Variants in RIOK3 observed in about 807,000 individuals in gnomAD.
RIOK3 encodes RIO kinase 3.
In RIOK3, 40 loss-of-function variants were observed where a neutral mutation model predicts 63.5. That is an observed-to-expected ratio of 0.63 (90% CI 0.49 to 0.82). RIOK3 has a LOEUF of 0.82. RIOK3 is among the 40% of genes least tolerant of loss of function. The probability of loss-of-function intolerance (pLI) is 0.00; values close to 1 mark genes in which losing one functional copy is unlikely to be tolerated. For synonymous variants in RIOK3, 193 were observed against 205.0 expected, an observed-to-expected ratio of 0.94 and a Z score of 0.50; for missense variants, 557 against 637.0, an observed-to-expected ratio of 0.87 and a Z score of 1.35.
rs1037782791 is a variant in RIOK3, at chr18:23,453,718, GAGTGGT to G, written c.63+217_63+222del. The stretch of plus-strand genomic sequence containing the variant: ...GGCTGGATCTCCCAAAGGCCACCTT[GAGTGGT>G]TAGGGCTCTCTATTTCTTCAGCGTA... On this transcript the variant is annotated intron_variant, in intron 1 of 12. Transcript: ENST00000339486. 1.1e-4 allele frequency among the ~76,000 whole-genome samples: 17 copies of G among 152,368 alleles called. No individual in the cohort carries two copies. The East Asian group carries it at 3.1e-3, about 28-fold the overall frequency.
rs1417176525 is a variant in RIOK3 at position 23,481,929 on chromosome 18, A to G, written c.*650A>G. 1 of 152,236 alleles carries G rather than the reference A, an allele frequency of 6.6e-6. No homozygotes were observed. Among genetic ancestry groups the G allele is most frequent in the Non-Finnish European group, 1.5e-5 (1 of 68,046 alleles). The allele number at this position is 152,236 out of a possible 1,614,324, so 9.4% of individuals were successfully genotyped here. On this transcript the variant is annotated 3_prime_UTR_variant, in exon 13 of 13. Coordinates refer to ENST00000339486, the MANE Select transcript of RIOK3 (RefSeq NM_003831.5). ...AGAAAAGGCATCATAGGTTTCTGAA[A>G]GAGATAACTATATAACAGCTTTTTA...
At chr18:23,473,175 AGTCAT>A (rs2057467193) in intron 7 of RIOK3, among the ~76,000 whole-genome samples, 53 of 152,236 alleles carry the variant, frequency 3.5e-4, no homozygotes, top group Admixed American at 3.5e-3. Flanking sequence ...TTGATTCCGT[AGTCAT>A]TAAGTGAAGA....
In RIOK3 at chr18:23,464,199, T is replaced by C. The variant is rs757927798; in HGVS notation, c.326-7T>C. 6.2e-7 allele frequency: 1 copy of C among 1,612,420 alleles called. No homozygotes were observed. ...AAGTAAATCTTCAACTATTTTTGCT[T>C]CTTAAGTTTCCATTTCCTTTGAAAA... On this transcript the variant is annotated splice_polypyrimidine_tract_variant and splice_region_variant and intron_variant, in intron 3 of 12. Transcript: ENST00000339486.
intron 1 of RIOK3, among the ~76,000 whole-genome samples, chr18:23,458,860 T>C (rs187346297): frequency 1.8e-4 from 27 of 152,304 alleles, no homozygotes; most frequent in African/African-American, 4.6e-4. Context: ...AAAAAGTGTA[T>C]GGAGGGCTTT....
chr18:23,463,410 T>TC (rs869265584), intron 2 of RIOK3: 1 of 8,074 alleles, frequency 1.2e-4, no homozygotes, highest in African/African-American at 3.4e-4. Context: ...CCAGACTTTC[T>TC]TTTTTTTTTT....
intron 1 of RIOK3, among the ~76,000 whole-genome samples, chr18:23,453,930 C>T (rs2057321461): frequency 6.6e-6 from 1 of 152,064 alleles, no homozygotes; most frequent in Non-Finnish European, 1.5e-5. Context: ...TGTGGTTATC[C>T]CAGTTTGGAA....
intron 7 of RIOK3, 153 bp downstream of exon 7, chr18:23,467,679 T>TA: frequency 1.8e-6 from 1 of 555,386 alleles, no homozygotes; most frequent in Non-Finnish European, 2.9e-6. Flanking sequence ...TAGGAATGTA[T>TA]AAAAAACACA....
Position 23,477,200 on chromosome 18 carries a change from C to A in RIOK3, c.1276C>A (p.Gln426Lys). The A allele has an allele frequency of 6.2e-7, 1 of 1,614,070 alleles. No individual in the cohort carries two copies. Among genetic ancestry groups the A allele is most frequent in the South Asian group, 1.1e-5 (1 of 91,052 alleles). ...AGKVWLIDVSQSVEPTHPHGL... is the reference protein window; with the variant it reads ...AGKVWLIDVSKSVEPTHPHGL... The stretch of plus-strand genomic sequence containing the variant: ...ATAGGTCTGGTTGATCGATGTCAGT[C>A]AGTCAGTAGAACCTACCCACCCTCA... The change falls in exon 11 of 13, where the codon CAG becomes AAG. Residue 426 changes from glutamine to lysine, a missense_variant. Around this residue, in one of 3 missense-constraint regions of RIOK3, gnomAD observed 309 missense variants for 338.7 expected, o/e 0.91. Transcript: ENST00000339486.
chr18:23,466,078 G>T, intron 5 of RIOK3, 55 bp from the exon 6 acceptor site: 1 of 1,423,772 alleles, frequency 7.0e-7, no homozygotes, highest in Non-Finnish European at 9.5e-7. Flanking sequence ...TTTTGTTTTT[G>T]TTTTTAACTG....
intron 1 of RIOK3, among the ~76,000 whole-genome samples, chr18:23,453,771 G>A (rs2057320293): frequency 6.6e-6 from 1 of 152,248 alleles, no homozygotes; most frequent in African/African-American, 2.4e-5. Flanking sequence ...ACCGTAGCAT[G>A]TATTTGAGCA....
chr18:23,480,551 G>GCACACACACACACA (rs1362909473), intron 12 of RIOK3, among the ~76,000 whole-genome samples: 1 of 46,846 alleles, frequency 2.1e-5, no homozygotes, highest in Non-Finnish European at 4.1e-5. Flanking sequence ...ATACTTGGAT[G>GCACACACACACACA]CACGCACACA....
At chr18:23,458,615 A>G (rs2057355437) in intron 1 of RIOK3, among the ~76,000 whole-genome samples, 1 of 152,240 alleles carries the variant, frequency 6.6e-6, no homozygotes, top group South Asian at 2.1e-4. Flanking sequence ...GATAGCTAGG[A>G]CAGAGCAAGA....
chr18:23,455,285 G>A, intron 1 of RIOK3, among the ~76,000 whole-genome samples: 1 of 152,054 alleles, frequency 6.6e-6, no homozygotes, highest in East Asian at 1.9e-4. Flanking sequence ...GTATTGGCCA[G>A]GCTGGTCTCA....
At position 23,467,580 on chromosome 18, in the gene RIOK3, A is replaced by G. The variant is rs184836113; in HGVS notation, c.815+54A>G. The stretch of plus-strand genomic sequence containing the variant: ...ATGAAAACTTAGTCTCTTCTCCCCA[A>G]GATTAATGAATTTACACAGAATCAA... On this transcript the variant is annotated intron_variant, in intron 7 of 12. Transcript: ENST00000339486. 1.4e-4 allele frequency: 207 copies of G among 1,528,330 alleles called. 3 individuals carry two copies. In the African/African-American group the frequency reaches 2.2e-3, roughly 16 times the overall value. The allele number at this position is 1,528,330 out of a possible 1,614,324, so 94.7% of individuals were successfully genotyped here. A position where few individuals can be genotyped will look rare whatever the true frequency, so the allele number is the denominator to read the frequency against.
At position 23,481,177 on chromosome 18, in the gene RIOK3, AG is replaced by A. The variant is rs1352645377; in HGVS notation, c.1459del (p.Ala487LeufsTer5). The part of the protein sequence containing the change: ...NEADFLAEIE[A>X]LEKMNEDHVQ... Reference sequence around the variant, plus strand: ...TCAATGTATTATTTTTGTAGATAGAAGCTTTGGAGAAAATGAATGAAGATCA... The same window carrying A: ...TCAATGTATTATTTTTGTAGATAGAACTTTGGAGAAAATGAATGAAGATCA... On this transcript the variant is annotated frameshift_variant, in exon 13 of 13. Transcript: ENST00000339486. LOFTEE classifies it high-confidence loss of function. 10 of 1,601,828 alleles carry A rather than the reference AG, an allele frequency of 6.2e-6. No homozygotes were observed. The highest frequency in any genetic ancestry group is 6.8e-6 in the Non-Finnish European group (8 of 1,169,548).
At chr18:23,458,407 T>A (rs896892515) in intron 1 of RIOK3, among the ~76,000 whole-genome samples, 1 of 152,114 alleles carries the variant, frequency 6.6e-6, no homozygotes, top group Non-Finnish European at 1.5e-5. Context: ...GTGGCAGTTT[T>A]GCAAAGGAGA....
chr18:23,458,152 GC>G (rs1371530075), intron 1 of RIOK3, among the ~76,000 whole-genome samples: 1 of 151,290 alleles, frequency 6.6e-6, no homozygotes, highest in Non-Finnish European at 1.5e-5. Context: ...CAATCCGCCT[GC>G]CTCAGCCTCC....
intron 6 of RIOK3, 144 bp downstream of exon 6, chr18:23,466,420 C>T: frequency 1.5e-6 from 1 of 667,834 alleles, no homozygotes; most frequent in Non-Finnish European, 2.4e-6. Context: ...AATCCAGCCA[C>T]TGTGGTGCCC....
rs554057504 is a variant in RIOK3, at chr18:23,453,330, C to T, written c.-110C>T. 25 of 891,018 alleles carry T rather than the reference C, an allele frequency of 2.8e-5. No homozygotes were observed. The East Asian group carries it at 5.8e-4, about 21-fold the overall frequency. 55.2% of individuals were successfully genotyped at this position (891,018 alleles called of 1,614,324 possible). ...CGCCGTCGCCGCCATCTGTCACCTC[C>T]ACTCCGGCATCAGCAGCCAGTCGCC... On this transcript the variant is annotated 5_prime_UTR_variant, in exon 1 of 13. Transcript: ENST00000339486.
Sources: allele counts gnomAD v4.1 joint callset (sites outside exome capture counted in the v4.1 genomes callset), GRCh38; gene constraint gnomAD v4.1.1; regional missense constraint gnomAD v4.1.1; transcripts MANE v1.5; gene names NCBI Gene and HGNC (gene_info 2026-07-23, HGNC 2026-07-21).